The following ADGRB3 variants were observed in gnomAD, a reference collection of about 807,000 sequenced individuals.
ADGRB3 encodes the protein adhesion G protein-coupled receptor B3.
ADGRB3 carries 37 observed loss-of-function variants against 193.4 expected under a neutral mutation model. That is an observed-to-expected ratio of 0.19 (90% CI 0.15 to 0.25). ADGRB3 has a LOEUF of 0.25. Ranked by LOEUF, ADGRB3 falls within the 10% of genes least tolerant of loss-of-function variation. The pLI is 1.00. For missense variants in ADGRB3, 1,637 were observed against 1,852.9 expected, an observed-to-expected ratio of 0.88 and a Z score of 2.14; for synonymous variants, 690 against 644.2, an observed-to-expected ratio of 1.07 and a Z score of -1.08.
chr6:68,857,443 G>T (rs1024853646), intron 3 of ADGRB3, among the ~76,000 whole-genome samples: 1 of 152,210 alleles, frequency 6.6e-6, no homozygotes, highest in African/African-American at 2.4e-5. Context: ...TGACCTGAAT[G>T]TAAGACATGG....
At chr6:69,373,618 G>A (rs769541366) in intron 30 of ADGRB3, among the ~76,000 whole-genome samples, 11 of 152,004 alleles carry the variant, frequency 7.2e-5, no homozygotes, top group Non-Finnish European at 1.2e-4. Context: ...ATATAAATCT[G>A]AATAGACAAT....
chr6:68,854,123 G>T (rs1450357003), intron 3 of ADGRB3, among the ~76,000 whole-genome samples: 1 of 152,078 alleles, frequency 6.6e-6, no homozygotes, highest in Non-Finnish European at 1.5e-5. Flanking sequence ...GTTGATCAAA[G>T]GCTCTATGTG....
rs58370570 is a variant in ADGRB3 at position 69,031,116 on chromosome 6, C to CTTCTCTTCTCT, written c.2107+12618_2107+12619insTCTCTTCTCTT. Among the ~76,000 whole-genome samples, 68 of 49,406 alleles carry CTTCTCTTCTCT rather than the reference C, an allele frequency of 1.4e-3. 11 individuals carry two copies. Among genetic ancestry groups the CTTCTCTTCTCT allele is most frequent in the African/African-American group, 5.5e-3 (63 of 11,370 alleles). 32.4% of individuals were successfully genotyped at this position (49,406 alleles called of 152,430 possible). A position where few individuals can be genotyped will look rare whatever the true frequency, so the allele number is the denominator to read the frequency against. Reference sequence around the variant, plus strand: ...CTTCTCTTCTCTTCTCTTCTCTTCTCTCTCTTCTCTCTGTCTCTCTCTCTC... The same window carrying CTTCTCTTCTCT: ...CTTCTCTTCTCTTCTCTTCTCTTCTCTTCTCTTCTCTTCTCTTCTCTCTGTCTCTCTCTCTC... On this transcript the variant is annotated intron_variant, in intron 13 of 31. Coordinates refer to ENST00000370598, the MANE Select transcript of ADGRB3 (RefSeq NM_001704.3).
At chr6:68,652,227 A>G (rs577584204) in intron 3 of ADGRB3, among the ~76,000 whole-genome samples, 4 of 152,196 alleles carry the variant, frequency 2.6e-5, no homozygotes, top group Non-Finnish European at 4.4e-5. Context: ...TCTGGTAGGC[A>G]TTTGCAATCT....
chr6:69,294,137 T>G (rs1186996817), intron 20 of ADGRB3, among the ~76,000 whole-genome samples: 4 of 152,086 alleles, frequency 2.6e-5, no homozygotes, highest in Non-Finnish European at 5.9e-5. Flanking sequence ...CTGGAGAGGT[T>G]TCTGTTTTCT....
In ADGRB3 at chr6:68,644,018, C is replaced by CA. The variant is rs1056600777; in HGVS notation, c.757+4596dup. Reference sequence around the variant, plus strand: ...AATAAACAAACAAACAAACAACAAACAAAAAAAAAACCCTGAGGCTTTCAA... The same window carrying CA: ...AATAAACAAACAAACAAACAACAAACAAAAAAAAAAACCCTGAGGCTTTCAA... On this transcript the variant is annotated intron_variant, in intron 3 of 31. Coordinates refer to ENST00000370598, the MANE Select transcript of ADGRB3 (RefSeq NM_001704.3). 1.0e-3 allele frequency among the ~76,000 whole-genome samples: 145 copies of CA among 141,266 alleles called. No homozygotes were observed. In the Middle Eastern group the frequency reaches 0.011, roughly 10 times the overall value. 92.7% of individuals were successfully genotyped at this position (141,266 alleles called of 152,430 possible). A position where few individuals can be genotyped will look rare whatever the true frequency, so the allele number is the denominator to read the frequency against.
intron 17 of ADGRB3, 124 bp downstream of exon 17, chr6:69,076,162 A>T: frequency 3.7e-6 from 3 of 817,262 alleles, no homozygotes; most frequent in Non-Finnish European, 6.0e-6. Context: ...GAGAAAAAAA[A>T]ATCCTCTTTT....
chr6:69,031,103 T>A (rs1435295952), intron 13 of ADGRB3, among the ~76,000 whole-genome samples: 1 of 80,608 alleles, frequency 1.2e-5, no homozygotes, highest in East Asian at 2.7e-4. Context: ...TCTCTTCTCT[T>A]CTCTTCTCTT....
intron 3 of ADGRB3, among the ~76,000 whole-genome samples, chr6:68,813,131 G>C (rs967040007): frequency 6.6e-6 from 1 of 152,076 alleles, no homozygotes; most frequent in Non-Finnish European, 1.5e-5. Context: ...TGCTATTCTT[G>C]TGATAGTAAA....
chr6:68,930,538 A>T (rs200524481), intron 3 of ADGRB3, 21 bp from the exon 4 acceptor site: 2 of 1,543,532 alleles, frequency 1.3e-6, no homozygotes, highest in East Asian at 4.5e-5. Flanking sequence ...AAGCTTTCAT[A>T]TACCTTTATT....
intron 3 of ADGRB3, among the ~76,000 whole-genome samples, chr6:68,670,941 A>T (rs1768940538): frequency 6.6e-6 from 1 of 151,566 alleles, no homozygotes; most frequent in Non-Finnish European, 1.5e-5. Context: ...TCTTTCATCA[A>T]TATTTTATAG....
At chr6:68,718,285 T>C (rs1016875457) in intron 3 of ADGRB3, among the ~76,000 whole-genome samples, 1 of 151,732 alleles carries the variant, frequency 6.6e-6, no homozygotes, top group East Asian at 1.9e-4. Context: ...ACAGATCTAC[T>C]GAATTAGAAT....
chr6:69,050,864 A>G (rs1008180327), intron 15 of ADGRB3, among the ~76,000 whole-genome samples: 1 of 152,234 alleles, frequency 6.6e-6, no homozygotes. Context: ...CTTGAGATAC[A>G]TAGTGAATAC....
intron 8 of ADGRB3, among the ~76,000 whole-genome samples, chr6:68,960,620 CTAAG>C (rs1264446446): frequency 6.6e-6 from 1 of 151,186 alleles, no homozygotes; most frequent in Non-Finnish European, 1.5e-5. Flanking sequence ...CCTTTGGTCT[CTAAG>C]TAATTGTCTT....
At chr6:68,899,509 T>A (rs1300872841) in intron 3 of ADGRB3, among the ~76,000 whole-genome samples, 2 of 145,356 alleles carry the variant, frequency 1.4e-5, no homozygotes, top group Non-Finnish European at 3.0e-5. Context: ...ATCTCATTGT[T>A]CAGTTCCCAC....
At chr6:69,232,985 TGCTGCCGCC>T (rs1184848916) in intron 17 of ADGRB3, 11 of 435,702 alleles carry the variant, frequency 2.5e-5, no homozygotes, top group South Asian at 3.3e-5. Flanking sequence ...CGGCTGCTCG[TGCTGCCGCC>T]GCTGCCGCTG....
chr6:68,926,873 T>C (rs535129948), intron 3 of ADGRB3, among the ~76,000 whole-genome samples: 3 of 152,326 alleles, frequency 2.0e-5, no homozygotes, highest in African/African-American at 7.2e-5. Context: ...TTTTTAATGA[T>C]CTACTTACAT....
chr6:69,076,126 T>C (rs1772222791), intron 17 of ADGRB3, 88 bp downstream of exon 17: 1 of 1,131,904 alleles, frequency 8.8e-7, no homozygotes, highest in Non-Finnish European at 1.3e-6. Flanking sequence ...TTAACAGGAA[T>C]ATAAGTCAGT....
chr6:68,826,582 T>C (rs1052394071), intron 3 of ADGRB3, among the ~76,000 whole-genome samples: 5 of 152,208 alleles, frequency 3.3e-5, no homozygotes, highest in African/African-American at 1.2e-4. Context: ...ATCTGACTTA[T>C]GTTTTAAATA....
Sources: allele counts gnomAD v4.1 joint callset (sites outside exome capture counted in the v4.1 genomes callset), GRCh38; gene constraint gnomAD v4.1.1; transcripts MANE v1.5; gene names NCBI Gene and HGNC (gene_info 2026-07-23, HGNC 2026-07-21).